Variants in PRKACA observed in about 807,000 individuals in gnomAD.
The protein encoded by PRKACA is cAMP-dependent protein kinase catalytic subunit alpha.
PRKACA carries 9 observed loss-of-function variants against 45.8 expected under a neutral mutation model. The observed-to-expected ratio is 0.20, with a 90% CI of 0.12 to 0.34. PRKACA has a LOEUF of 0.34. PRKACA is among the 10% of genes least tolerant of loss of function. The pLI is 1.00. For missense variants in PRKACA, 238 were observed against 458.6 expected (o/e 0.52, Z 4.39); for synonymous variants, 160 against 178.6 (o/e 0.90, Z 0.83).
intron 1 of PRKACA, among the ~76,000 whole-genome samples, chr19:14,113,045 A>G (rs1237811733): frequency 6.6e-6 from 1 of 152,128 alleles, no homozygotes; most frequent in Non-Finnish European, 1.5e-5. Flanking sequence ...TGCTATCCTG[A>G]GAGAGAAAAT....
chr19:14,108,339 C>T (rs965351309), intron 1 of PRKACA: 2 of 160,084 alleles, frequency 1.2e-5, no homozygotes, highest in African/African-American at 4.8e-5. Flanking sequence ...TGAACAGTGG[C>T]CCCGTGTGAT....
rs1977143854 is a variant in PRKACA, at chr19:14,093,243, G to A, written c.931-6C>T. 6.2e-7 allele frequency: 1 copy of A among 1,611,552 alleles called. No homozygotes were observed. Among genetic ancestry groups the A allele is most frequent in the Non-Finnish European group, 8.5e-7 (1 of 1,179,140 alleles). ...GGTATGAAGGGAGCTTCCACCTGGA[G>A]AGGGATCAAGAATCACCCAGACCTC... On this transcript the variant is annotated splice_region_variant and splice_polypyrimidine_tract_variant and intron_variant, in intron 9 of 9. Transcript: ENST00000308677.
At chr19:14,114,148 G>A (rs974599790) in intron 1 of PRKACA, 1 of 1,611,626 alleles carries the variant, frequency 6.2e-7, no homozygotes, top group Non-Finnish European at 8.5e-7. Flanking sequence ...GCTGGAGTTG[G>A]AAGCCATCAC....
Position 14,097,237 on chromosome 19 carries a change from C to G in PRKACA, c.765+124G>C. On this transcript the variant is annotated intron_variant, in intron 8 of 9. Coordinates refer to ENST00000308677, the MANE Select transcript of PRKACA (RefSeq NM_002730.4). This position sits in a 1 kb window ranked among gnomAD's most constrained non-coding sequence, Gnocchi z 5.4. ...GTGGCCGGCGCGTCCAGCTTCACCA[C>G]CTGGCCTGACTTAAGGAACTTCTAG... The G allele has an allele frequency of 6.7e-7, 1 of 1,490,560 alleles. No individual in the cohort carries two copies. The highest frequency in any genetic ancestry group is 9.2e-7 in the Non-Finnish European group (1 of 1,085,388). 92.3% of individuals were successfully genotyped at this position (1,490,560 alleles called of 1,614,324 possible). A position where few individuals can be genotyped will look rare whatever the true frequency, so the allele number is the denominator to read the frequency against.
intron 1 of PRKACA, 39 bp downstream of exon 1, chr19:14,117,463 G>A (rs955270857): frequency 1.6e-6 from 2 of 1,259,446 alleles, no homozygotes; most frequent in Non-Finnish European, 1.0e-6. Flanking sequence ...AGGGCTGGCA[G>A]CGCAGGGCCA....
At chr19:14,100,971 T>A in intron 4 of PRKACA, 63 bp from the exon 5 acceptor site, 1 of 1,427,828 alleles carries the variant, frequency 7.0e-7, no homozygotes, top group Non-Finnish European at 9.9e-7. Context: ...CTGAAGGCCT[T>A]GGGGGCCTCC....
At position 14,093,091 on chromosome 19, in the gene PRKACA, C is replaced by T. The variant is rs368971640; in HGVS notation, c.*21G>A. ...AAAAGAAAAAAGAAAAAAGAAAACC[C>T]ATGGGGGCACAGGCATGCCCCTAAA... On this transcript the variant is annotated 3_prime_UTR_variant, in exon 10 of 10. Transcript: ENST00000308677. 20 of 1,405,662 alleles carry T rather than the reference C, an allele frequency of 1.4e-5. No homozygotes were observed. In the African/African-American group the frequency reaches 1.8e-4, roughly 13 times the overall value. The allele number at this position is 1,405,662 out of a possible 1,614,324, so 87.1% of individuals were successfully genotyped here. A position where few individuals can be genotyped will look rare whatever the true frequency, so the allele number is the denominator to read the frequency against.
At chr19:14,094,093 G>C in intron 8 of PRKACA, among the ~76,000 whole-genome samples, 1 of 150,052 alleles carries the variant, frequency 6.7e-6, no homozygotes. Flanking sequence ...TGAACTTCTA[G>C]GCTCAAGCGA....
intron 1 of PRKACA, chr19:14,107,899 T>A: frequency 1.0e-6 from 1 of 989,474 alleles, no homozygotes; most frequent in Non-Finnish European, 1.2e-6. Flanking sequence ...TCCGTGGCAA[T>A]CGCAAGGGCA....
intron 1 of PRKACA, chr19:14,115,125 T>C (rs1967081499): frequency 1.0e-6 from 1 of 985,162 alleles, no homozygotes; most frequent in Non-Finnish European, 1.2e-6. Context: ...TGGGAGGAAG[T>C]ACAGCTTCGG....
chr19:14,117,274 G>T (rs891994506), intron 1 of PRKACA, among the ~76,000 whole-genome samples: 1 of 151,914 alleles, frequency 6.6e-6, no homozygotes, highest in Non-Finnish European at 1.5e-5. Context: ...GTGACAGCTG[G>T]GGGGGAGCAC....
intron 8 of PRKACA, chr19:14,096,929 G>GGA (rs1178746534): frequency 3.0e-5 from 9 of 299,060 alleles, no homozygotes; most frequent in Non-Finnish European, 5.2e-5. Flanking sequence ...TCTGGGTTTG[G>GGA]GAGAGGAAGC....
intron 8 of PRKACA, among the ~76,000 whole-genome samples, chr19:14,094,223 C>T (rs1310975567): frequency 1.4e-5 from 2 of 143,354 alleles, no homozygotes; most frequent in Non-Finnish European, 3.0e-5. Context: ...TAGCCTCACT[C>T]TGTAGCCCAG....
rs960230405 is a variant in PRKACA, at chr19:14,097,068, C to T, written c.765+293G>A. On this transcript the variant is annotated intron_variant, in intron 8 of 9. Transcript: ENST00000308677. This position sits in a 1 kb window ranked among gnomAD's most constrained non-coding sequence, Gnocchi z 5.4. ...AACTCACACTAACTGGGATGAGGAG[C>T]GAAAAGGAGGGTCGTCTGGCAGGGC... 8.8e-5 allele frequency: 38 copies of T among 431,700 alleles called. No individual in the cohort carries two copies. Among genetic ancestry groups the T allele is most frequent in the South Asian group, 5.6e-4 (27 of 47,808 alleles). 26.7% of individuals were successfully genotyped at this position (431,700 alleles called of 1,614,324 possible).
chr19:14,097,994 G>A lies in PRKACA; in HGVS notation c.420-104C>T, dbSNP rs994849230. ...CCCAGAGGAAGACACCTCCAGTCCA[G>A]CCGTCAGAAACGCAAGGCACCTGAT... On this transcript the variant is annotated intron_variant, in intron 5 of 9. Transcript: ENST00000308677. The surrounding 1 kb of genome is among the most constrained non-coding windows in gnomAD (Gnocchi z 5.4). 8 of 1,465,270 alleles carry A rather than the reference G, an allele frequency of 5.5e-6. No individual in the cohort carries two copies. In the African/African-American group the frequency reaches 9.9e-5, roughly 18 times the overall value. 90.8% of individuals were successfully genotyped at this position (1,465,270 alleles called of 1,614,324 possible). A position where few individuals can be genotyped will look rare whatever the true frequency, so the allele number is the denominator to read the frequency against.
chr19:14,105,143 A>C (rs535287702), intron 3 of PRKACA, among the ~76,000 whole-genome samples: 1 of 152,320 alleles, frequency 6.6e-6, no homozygotes, highest in African/African-American at 2.4e-5. Flanking sequence ...AGGAATGTAA[A>C]ATGTTTCATT....
At chr19:14,107,940 G>A (rs1166961811) in intron 1 of PRKACA, 17 of 986,778 alleles carry the variant, frequency 1.7e-5, no homozygotes, top group Non-Finnish European at 1.9e-5. Context: ...GGGAAGTCTC[G>A]CCCGATGCCC....
chr19:14,108,681 A>AT (rs1028562577), intron 1 of PRKACA, among the ~76,000 whole-genome samples: 11 of 151,892 alleles, frequency 7.2e-5, no homozygotes, highest in African/African-American at 2.7e-4. Context: ...AAGTGCTGGG[A>AT]TTACAGGCGT....
rs140381298 is a variant in PRKACA, at chr19:14,102,376, C to T, written c.336+440G>A. 2.1e-4 allele frequency among the ~76,000 whole-genome samples: 32 copies of T among 152,228 alleles called. 1 individual carries two copies. The highest frequency in any genetic ancestry group is 7.7e-4 in the African/African-American group (32 of 41,544). On this transcript the variant is annotated intron_variant, in intron 4 of 9. Transcript: ENST00000308677. ...GCGCTCAAGACGTGCCTGGAACTGT[C>T]ATGACAACCCCACCAGGCTGGAACT...
Sources: gnomAD v4.1 joint callset for allele counts (sites outside exome capture counted in the v4.1 genomes callset) on GRCh38, gnomAD v4.1.1 for gene constraint, Gnocchi (gnomAD v3.1) non-coding constraint, MANE v1.5 for transcripts, NCBI Gene and HGNC (gene_info 2026-07-23, HGNC 2026-07-21) for gene names.